The following ACTR2 variants were observed in gnomAD, a reference collection of about 807,000 sequenced individuals.
ACTR2 encodes the protein actin-related protein 2.
ACTR2 carries 5 observed loss-of-function variants against 50.2 expected under a neutral mutation model. The ratio of observed to expected loss-of-function variants is 0.10; its 90% CI spans 0.05 to 0.21. The LOEUF (loss-of-function observed/expected upper bound fraction) is 0.21. Among genes scored for constraint, ACTR2 ranks in the 10% least tolerant of loss-of-function variants. The pLI is 1.00. For synonymous variants in ACTR2, 140 were observed against 162.9 expected, an observed-to-expected ratio of 0.86 and a Z score of 1.07; for missense variants, 180 against 480.6, an observed-to-expected ratio of 0.37 and a Z score of 5.85.
chr2:65,259,369 C>G (rs996840681), intron 6 of ACTR2, among the ~76,000 whole-genome samples: 2 of 151,998 alleles, frequency 1.3e-5, no homozygotes, highest in African/African-American at 4.8e-5. Context: ...CTGCAGTGAG[C>G]CATGATCACA....
At position 65,268,551 on chromosome 2, in the gene ACTR2, C is replaced by T. The variant is rs1207991692; in HGVS notation, c.1015-13C>T. 8 of 1,607,684 alleles carry T rather than the reference C, an allele frequency of 5.0e-6. No individual in the cohort carries two copies. In the African/African-American group the frequency reaches 5.4e-5, roughly 11 times the overall value. On this transcript the variant is annotated splice_polypyrimidine_tract_variant and intron_variant, in intron 8 of 8. Transcript: ENST00000260641. ...CACATGTACCATTTCATTATCCTTTCTTTCTCCTTTAGAAATTTAAGATCC... is the reference window on the plus strand; with the variant it reads ...CACATGTACCATTTCATTATCCTTTTTTTCTCCTTTAGAAATTTAAGATCC...
At chr2:65,244,130 C>T (rs1211842093) in intron 2 of ACTR2, among the ~76,000 whole-genome samples, 1 of 152,006 alleles carries the variant, frequency 6.6e-6, no homozygotes, top group Non-Finnish European at 1.5e-5. Context: ...TATGTGTGGT[C>T]CTAGAAGTAG....
intron 1 of ACTR2, 147 bp from the exon 2 acceptor site, chr2:65,239,705 A>G: frequency 1.6e-6 from 1 of 629,856 alleles, no homozygotes; most frequent in South Asian, 1.7e-5. Context: ...AGATGTTGCG[A>G]TAGATTGAGT....
intron 3 of ACTR2, among the ~76,000 whole-genome samples, chr2:65,247,457 G>A (rs1025981299): frequency 6.6e-6 from 1 of 152,014 alleles, no homozygotes; most frequent in Non-Finnish European, 1.5e-5. Flanking sequence ...GCGTGGTGGC[G>A]GGTGCCTGTA....
At chr2:65,241,601 A>G (rs1671841362) in intron 2 of ACTR2, among the ~76,000 whole-genome samples, 1 of 152,192 alleles carries the variant, frequency 6.6e-6, no homozygotes, top group African/African-American at 2.4e-5. Context: ...ACCTGTGTCA[A>G]ATAAATTTAA....
chr2:65,265,220 C>A, intron 8 of ACTR2, 45 bp downstream of exon 8: 1 of 1,608,154 alleles, frequency 6.2e-7, no homozygotes. Flanking sequence ...TTTTAAAAGG[C>A]TATACAGTAG....
At chr2:65,260,711 T>C (rs995694467) in intron 6 of ACTR2, among the ~76,000 whole-genome samples, 2 of 151,782 alleles carry the variant, frequency 1.3e-5, no homozygotes, top group Non-Finnish European at 2.9e-5. Flanking sequence ...ATTCCTGATA[T>C]TTGGGGGCGT....
chr2:65,250,121 T>C (rs934716832), intron 3 of ACTR2, among the ~76,000 whole-genome samples: 1 of 152,116 alleles, frequency 6.6e-6, no homozygotes, highest in Non-Finnish European at 1.5e-5. Flanking sequence ...TCCCAGCACT[T>C]TGGGAGGCCG....
At chr2:65,241,830 A>T in intron 2 of ACTR2, 1 of 443,462 alleles carries the variant, frequency 2.3e-6, no homozygotes, top group Non-Finnish European at 3.9e-6. Flanking sequence ...ATGGAAATTT[A>T]AATCGTTTAA....
At chr2:65,235,343 A>C (rs970653534) in intron 1 of ACTR2, among the ~76,000 whole-genome samples, 7 of 152,204 alleles carry the variant, frequency 4.6e-5, no homozygotes, top group Admixed American at 1.3e-4. Context: ...AATTCTGTTC[A>C]TTTTAAGGGT....
intron 1 of ACTR2, among the ~76,000 whole-genome samples, chr2:65,237,624 G>C (rs1671765398): frequency 6.6e-6 from 1 of 152,176 alleles, no homozygotes; most frequent in Non-Finnish European, 1.5e-5. Context: ...GCTGAGACAG[G>C]AGGATCATTG....
At chr2:65,266,562 G>T (rs1672375976) in intron 8 of ACTR2, among the ~76,000 whole-genome samples, 1 of 152,052 alleles carries the variant, frequency 6.6e-6, no homozygotes, top group Admixed American at 6.6e-5. Flanking sequence ...TGGGTGTGGG[G>T]GCGGTTTAAG....
At chr2:65,239,763 A>C in intron 1 of ACTR2, 89 bp from the exon 2 acceptor site, 1 of 859,696 alleles carries the variant, frequency 1.2e-6, no homozygotes, top group Non-Finnish European at 2.0e-6. Context: ...AATGTTATAT[A>C]AATGCAAAGT....
At chr2:65,257,759 C>T (rs145873192) in intron 6 of ACTR2, among the ~76,000 whole-genome samples, 1,594 of 152,298 alleles carry the variant, frequency 0.01, 32 homozygotes, top group African/African-American at 0.037. Context: ...AGTGTCTGTT[C>T]GTATCCTTTG....
chr2:65,245,084 A>G (rs1318639480), intron 2 of ACTR2, among the ~76,000 whole-genome samples: 1 of 151,994 alleles, frequency 6.6e-6, no homozygotes, highest in Non-Finnish European at 1.5e-5. Flanking sequence ...TAACTTTGTT[A>G]TACTTTTTGA....
intron 1 of ACTR2, among the ~76,000 whole-genome samples, chr2:65,236,076 C>G (rs146409211): frequency 3.3e-5 from 5 of 152,004 alleles, no homozygotes; most frequent in African/African-American, 1.2e-4. Context: ...TAAGTGGGGC[C>G]GGGTGCGGTG....
chr2:65,232,977 T>C lies in ACTR2; in HGVS notation c.48+5020T>C, dbSNP rs77701728. Among the ~76,000 whole-genome samples the C allele has an allele frequency of 9.6e-3, 1,461 of 151,928 alleles. 23 individuals carry two copies. Among genetic ancestry groups the C allele is most frequent in the African/African-American group, 0.034 (1,408 of 41,512 alleles). On this transcript the variant is annotated intron_variant, in intron 1 of 8. Coordinates refer to ENST00000260641, the MANE Select transcript of ACTR2 (RefSeq NM_005722.4). ...TTTAGAAAGGAATGTTTTCTTTGTA[T>C]TTTATCACATCATGGTTTAGTTTTT...
At chr2:65,238,574 G>C (rs1188128393) in intron 1 of ACTR2, among the ~76,000 whole-genome samples, 2 of 151,082 alleles carry the variant, frequency 1.3e-5, no homozygotes, top group East Asian at 3.9e-4. Context: ...CAGGAGAATG[G>C]CGTGAACCCG....
chr2:65,239,864 G>A lies in ACTR2; in HGVS notation c.61G>A (p.Gly21Arg). 1 of 1,609,100 alleles carries A rather than the reference G, an allele frequency of 6.2e-7. No homozygotes were observed. The highest frequency in any genetic ancestry group is 8.5e-7 in the Non-Finnish European group (1 of 1,176,284). Reference sequence around the variant, plus strand: ...TGTTTCATTCCAGTTTGTGAAGTGTGGATATGCAGGCTCTAACTTTCCAGA... The same window carrying A: ...TGTTTCATTCCAGTTTGTGAAGTGTAGATATGCAGGCTCTAACTTTCCAGA... ...CDNGTGFVKCGYAGSNFPEHI... is the reference protein window; with the variant it reads ...CDNGTGFVKCRYAGSNFPEHI... Residue 21 changes from glycine (G) to arginine (R), a missense_variant, in exon 2 of 9, where the codon GGA becomes AGA. Gly to Arg is a moderately radical substitution (Grantham distance 125). Coordinates refer to ENST00000260641, the MANE Select transcript of ACTR2 (RefSeq NM_005722.4).
Sources: allele counts gnomAD v4.1 joint callset (sites outside exome capture counted in the v4.1 genomes callset), GRCh38; gene constraint gnomAD v4.1.1; transcripts MANE v1.5; gene names NCBI Gene and HGNC (gene_info 2026-07-23, HGNC 2026-07-21).